The following ENTREP2 variants were observed in gnomAD, a reference collection of about 807,000 sequenced individuals.
ENTREP2 encodes the protein protein ENTREP2.
the ENTREP2 span, among the ~76,000 whole-genome samples, chr15:29,279,131 G>A: frequency 6.6e-6 from 1 of 152,138 alleles, no homozygotes; most frequent in Non-Finnish European, 1.5e-5. Context: ...TCCACACACA[G>A]TAAGTCTGAG....
chr15:29,306,013 T>C, the ENTREP2 span, among the ~76,000 whole-genome samples: 1 of 152,196 alleles, frequency 6.6e-6, no homozygotes, highest in South Asian at 2.1e-4. Context: ...ACATGGAGCA[T>C]GTGTTTCAAA....
the ENTREP2 span, among the ~76,000 whole-genome samples, chr15:29,272,889 G>GA: frequency 3.3e-4 from 51 of 152,260 alleles, no homozygotes; most frequent in Admixed American, 3.3e-3. Context: ...CCATAGACTG[G>GA]CCAGAACTAC....
At chr15:29,444,750 C>A in the ENTREP2 span, among the ~76,000 whole-genome samples, 1 of 152,162 alleles carries the variant, frequency 6.6e-6, no homozygotes, top group African/African-American at 2.4e-5. Context: ...CAGGTGTGAG[C>A]CATCACACCT....
At chr15:29,162,171 G>C in the ENTREP2 span, among the ~76,000 whole-genome samples, 4 of 152,178 alleles carry the variant, frequency 2.6e-5, no homozygotes, top group African/African-American at 7.2e-5. Context: ...AGCTCCCTGG[G>C]TCCCCAAGCA....
the ENTREP2 span, among the ~76,000 whole-genome samples, chr15:29,405,761 CAT>C: frequency 1.4e-4 from 22 of 152,356 alleles, no homozygotes; most frequent in African/African-American, 3.1e-4. Flanking sequence ...CCATGGCACA[CAT>C]GAGAGTGAAG....
the ENTREP2 span, chr15:29,609,654 T>C: frequency 6.7e-6 from 1 of 150,114 alleles, no homozygotes; most frequent in Non-Finnish European, 1.5e-5. Context: ...TACCCAATTA[T>C]TACTAATTAA....
chr15:29,293,782 G>T, the ENTREP2 span, among the ~76,000 whole-genome samples: 1 of 152,236 alleles, frequency 6.6e-6, no homozygotes, highest in Admixed American at 6.5e-5. Context: ...GAGATGGAGT[G>T]TGGGGTCCAC....
the ENTREP2 span, among the ~76,000 whole-genome samples, chr15:29,549,566 G>A: frequency 0.05 from 7,581 of 152,152 alleles, 599 homozygotes; most frequent in African/African-American, 0.17. Context: ...CACTGTGCCC[G>A]GCTTCATTCA....
the ENTREP2 span, among the ~76,000 whole-genome samples, chr15:29,340,215 C>T: frequency 6.6e-6 from 1 of 152,182 alleles, no homozygotes; most frequent in Non-Finnish European, 1.5e-5. Context: ...CACCCTGTAT[C>T]CAATACAATA....
chr15:29,284,567 A>AC, the ENTREP2 span, among the ~76,000 whole-genome samples: 1 of 151,966 alleles, frequency 6.6e-6, no homozygotes, highest in Admixed American at 6.6e-5. Flanking sequence ...AAAAAAAAAA[A>AC]AAAAAACCAA....
the ENTREP2 span, among the ~76,000 whole-genome samples, chr15:29,605,657 T>C: frequency 1.3e-5 from 2 of 151,894 alleles, no homozygotes; most frequent in Non-Finnish European, 2.9e-5. Context: ...GCCAACATGG[T>C]GAAACCCTGT....
chr15:29,279,837 T>C, the ENTREP2 span, among the ~76,000 whole-genome samples: 1 of 152,158 alleles, frequency 6.6e-6, no homozygotes, highest in African/African-American at 2.4e-5. Flanking sequence ...ACATGAGAAA[T>C]CATGTTGTAT....
the ENTREP2 span, among the ~76,000 whole-genome samples, chr15:29,275,422 G>C: frequency 6.6e-6 from 1 of 152,206 alleles, no homozygotes; most frequent in Admixed American, 6.5e-5. Flanking sequence ...AATACATTCA[G>C]TGTGATTCGA....
At chr15:29,301,167 T>C in the ENTREP2 span, among the ~76,000 whole-genome samples, 1 of 152,214 alleles carries the variant, frequency 6.6e-6, no homozygotes. Flanking sequence ...AGTATGATCA[T>C]GGACTATTTA....
chr15:29,291,022 A>G, the ENTREP2 span, among the ~76,000 whole-genome samples: 1 of 152,112 alleles, frequency 6.6e-6, no homozygotes, highest in African/African-American at 2.4e-5. Context: ...TGGTGAATGG[A>G]CATGTGAGTA....
At chr15:29,637,526 G>A in the ENTREP2 span, among the ~76,000 whole-genome samples, 2 of 152,208 alleles carry the variant, frequency 1.3e-5, no homozygotes, top group African/African-American at 4.8e-5. Flanking sequence ...GGTTATGACA[G>A]ATTTAGAACC....
chr15:29,356,495 C>T, the ENTREP2 span, among the ~76,000 whole-genome samples: 1 of 150,732 alleles, frequency 6.6e-6, no homozygotes. Context: ...TTAGTAGAGA[C>T]GGGGTTTCAC....
the ENTREP2 span, among the ~76,000 whole-genome samples, chr15:29,485,975 G>A: frequency 6.6e-6 from 1 of 152,094 alleles, no homozygotes; most frequent in African/African-American, 2.4e-5. Context: ...AGTAAAAACA[G>A]AACTACCATA....
chr15:29,653,344 C>T, the ENTREP2 span, among the ~76,000 whole-genome samples: 5 of 152,156 alleles, frequency 3.3e-5, no homozygotes, highest in East Asian at 5.8e-4. Flanking sequence ...TGTCTCTAAC[C>T]CTTATATCGA....
Sources: allele counts gnomAD v4.1 joint callset (sites outside exome capture counted in the v4.1 genomes callset), GRCh38; gene constraint gnomAD v4.1.1; transcripts MANE v1.5; gene names NCBI Gene and HGNC (gene_info 2026-07-23, HGNC 2026-07-21).